The following TPRG1 variants were observed in gnomAD, a reference collection of about 807,000 sequenced individuals.
The protein encoded by TPRG1 is tumor protein p63-regulated gene 1 protein.
A neutral mutation model predicts 29.3 loss-of-function variants in TPRG1; 29 were observed. That is an observed-to-expected ratio of 0.99 (90% CI 0.74 to 1.35). TPRG1 has a LOEUF of 1.35. TPRG1 is among the 40% of genes most tolerant of loss of function. TPRG1 has a pLI of 0.00. For missense variants in TPRG1, 327 were observed against 335.0 expected, an observed-to-expected ratio of 0.98 and a Z score of 0.19; for synonymous variants, 130 against 116.8, an observed-to-expected ratio of 1.11 and a Z score of -0.73.
rs1414272769 is a variant in TPRG1 at position 189,238,618 on chromosome 3, C to T, written c.303-115C>T. 3.6e-6 allele frequency: 3 copies of T among 823,528 alleles called. No individual in the cohort carries two copies. The Admixed American group carries it at 8.2e-5, about 23-fold the overall frequency. 51.0% of individuals were successfully genotyped at this position (823,528 alleles called of 1,614,324 possible). ...TGGTATTAGGTATTTCTCAGCCCCT[C>T]TCTCTTCTGAGTTGATCAAACTTCA... On this transcript the variant is annotated intron_variant, in intron 3 of 5. Transcript: ENST00000345063.
At chr3:189,009,860 T>G (rs1712501600) in intron 3 of TPRG1, among the ~76,000 whole-genome samples, 1 of 151,994 alleles carries the variant, frequency 6.6e-6, no homozygotes, top group Non-Finnish European at 1.5e-5. Flanking sequence ...TAGGTAAATG[T>G]GTGCCATGGT....
At chr3:189,046,136 G>A (rs543572398) in intron 4 of TPRG1, among the ~76,000 whole-genome samples, 54 of 152,184 alleles carry the variant, frequency 3.5e-4, no homozygotes, top group Non-Finnish European at 6.0e-4. Context: ...AGGAAGTTGG[G>A]GGAAACCAAG....
intron 1 of TPRG1, among the ~76,000 whole-genome samples, chr3:189,182,698 A>T (rs911165062): frequency 6.6e-6 from 1 of 152,190 alleles, no homozygotes; most frequent in Non-Finnish European, 1.5e-5. Context: ...AAAGTACGTA[A>T]AAAGGGAGCA....
chr3:189,293,674 A>T (rs1420501307), intron 4 of TPRG1, among the ~76,000 whole-genome samples: 1 of 152,154 alleles, frequency 6.6e-6, no homozygotes, highest in African/African-American at 2.4e-5. Flanking sequence ...TTTTTCAAAG[A>T]TATTTCCATC....
At chr3:189,186,752 A>C (rs1266346278) in intron 1 of TPRG1, among the ~76,000 whole-genome samples, 2 of 113,482 alleles carry the variant, frequency 1.8e-5, no homozygotes, top group Non-Finnish European at 3.8e-5. Context: ...CTCCTAGTAC[A>C]TATGAAAAAA....
At chr3:189,171,554 T>A (rs1578651665), upstream of TPRG1, among the ~76,000 whole-genome samples, 1 of 152,254 alleles carries the variant, frequency 6.6e-6, no homozygotes, top group Non-Finnish European at 1.5e-5. Flanking sequence ...TGTGTGTACA[T>A]GTGTTTGTTT....
intron 3 of TPRG1, chr3:189,219,552 A>G (rs986106414): frequency 1.3e-5 from 16 of 1,218,212 alleles, no homozygotes; most frequent in Non-Finnish European, 1.6e-5. Context: ...TAAAAAAACT[A>G]TGTGTTTGCT....
intron 4 of TPRG1, among the ~76,000 whole-genome samples, chr3:189,303,770 G>A (rs1721200783): frequency 1.3e-5 from 2 of 152,104 alleles, no homozygotes; most frequent in Non-Finnish European, 2.9e-5. Context: ...TTCCAACATT[G>A]TGAGTCATGA....
intron 4 of TPRG1, among the ~76,000 whole-genome samples, chr3:189,076,642 CT>C (rs1717191769): frequency 6.6e-6 from 1 of 151,870 alleles, no homozygotes; most frequent in African/African-American, 2.4e-5. Flanking sequence ...TTGTTAAGCC[CT>C]GGGCTTAATG....
chr3:189,096,252 C>T (rs948510725), upstream of TPRG1, among the ~76,000 whole-genome samples: 5 of 152,220 alleles, frequency 3.3e-5, no homozygotes, highest in African/African-American at 9.6e-5. Flanking sequence ...GGCCCTAGTG[C>T]CACCCCATCA....
At chr3:189,286,202 T>C (rs1463798443) in intron 4 of TPRG1, among the ~76,000 whole-genome samples, 2 of 152,128 alleles carry the variant, frequency 1.3e-5, no homozygotes, top group Non-Finnish European at 2.9e-5. Flanking sequence ...CTCTTTTTTT[T>C]TAGATCTCAG....
intron 4 of TPRG1, among the ~76,000 whole-genome samples, chr3:189,066,635 TAA>T (rs111327390): frequency 8.5e-5 from 12 of 141,872 alleles, no homozygotes; most frequent in African/African-American, 2.5e-4. Flanking sequence ...ATAAAAACCT[TAA>T]AAAAAAAAAA....
At chr3:189,161,862 C>A (rs1188982837) in intron 5 of TPRG1, among the ~76,000 whole-genome samples, 1 of 152,058 alleles carries the variant, frequency 6.6e-6, no homozygotes, top group Non-Finnish European at 1.5e-5. Context: ...CAGATAGCTT[C>A]TGAATAGTGG....
At chr3:189,301,544 T>A (rs1720840703) in intron 4 of TPRG1, among the ~76,000 whole-genome samples, 1 of 151,944 alleles carries the variant, frequency 6.6e-6, no homozygotes, top group Admixed American at 6.6e-5. Flanking sequence ...AAGATAAAGG[T>A]TATATTTCAT....
intron 4 of TPRG1, among the ~76,000 whole-genome samples, chr3:189,064,001 A>T (rs1039281219): frequency 2.8e-4 from 43 of 152,208 alleles, no homozygotes; most frequent in African/African-American, 9.2e-4. Flanking sequence ...ATATTCTTCT[A>T]GTGGAGTCAC....
At chr3:189,295,845 G>A (rs1051875973) in intron 4 of TPRG1, among the ~76,000 whole-genome samples, 7 of 149,866 alleles carry the variant, frequency 4.7e-5, no homozygotes, top group Admixed American at 6.7e-5. Context: ...ATAGTGAAAC[G>A]TTTTGCCACA....
chr3:189,159,272 G>A (rs555125592), intron 5 of TPRG1, among the ~76,000 whole-genome samples: 2 of 152,166 alleles, frequency 1.3e-5, no homozygotes, highest in Admixed American at 1.3e-4. Flanking sequence ...AGAAATGCAA[G>A]AGCAGACCCA....
intron 1 of TPRG1, among the ~76,000 whole-genome samples, chr3:189,204,681 A>C (rs922836501): frequency 3.3e-5 from 5 of 152,186 alleles, no homozygotes; most frequent in African/African-American, 9.7e-5. Context: ...TTTTCCAGGC[A>C]CAGGAGCCTT....
chr3:189,284,286 G>A (rs575110037), intron 4 of TPRG1, among the ~76,000 whole-genome samples: 8 of 151,396 alleles, frequency 5.3e-5, no homozygotes, highest in Admixed American at 3.9e-4. Context: ...GTGCCATGTC[G>A]GTGTCCTGCA....
Sources: gnomAD v4.1 joint callset for allele counts (sites outside exome capture counted in the v4.1 genomes callset) on GRCh38, gnomAD v4.1.1 for gene constraint, MANE v1.5 for transcripts, NCBI Gene and HGNC (gene_info 2026-07-23, HGNC 2026-07-21) for gene names.